The following DIAPH2 variants were observed in gnomAD, a reference collection of about 807,000 sequenced individuals.
DIAPH2 encodes diaphanous related formin 2.
Under a neutral mutation model 92.7 loss-of-function variants are expected in DIAPH2, and 35 were observed. The observed-to-expected ratio is 0.38, with a 90% confidence interval of 0.29 to 0.50. DIAPH2 has a LOEUF of 0.50. Ranked by LOEUF, DIAPH2 falls within the 20% of genes least tolerant of loss-of-function variation. The probability of loss-of-function intolerance (pLI) is 0.94; values close to 1 mark genes in which losing one functional copy is unlikely to be tolerated. For synonymous variants in DIAPH2, 301 were observed against 280.4 expected, an observed-to-expected ratio of 1.07 and a Z score of -0.73; for missense variants, 701 against 819.5, an observed-to-expected ratio of 0.86 and a Z score of 1.77.
At chrX:96,755,731 G>C (rs918106416) in intron 3 of DIAPH2, among the ~76,000 whole-genome samples, 1 of 109,028 alleles carries the variant, frequency 9.2e-6, no homozygotes, top group Non-Finnish European at 1.9e-5. Flanking sequence ...AAAAAAAATA[G>C]AATGCTCAGA....
intron 5 of DIAPH2, among the ~76,000 whole-genome samples, chrX:96,901,532 GTTTTTT>G (rs369526046): frequency 6.0e-5 from 2 of 33,083 alleles, no homozygotes; most frequent in Non-Finnish European, 1.2e-4. Context: ...TTTTCTTTCT[GTTTTTT>G]TTTTTTTTTT....
Position 96,899,939 on chromosome X carries a change from T to C in DIAPH2, c.588-12389T>C, listed in dbSNP as rs866140496. On this transcript the variant is annotated intron_variant, in intron 5 of 26. Transcript: ENST00000324765. The stretch of plus-strand genomic sequence containing the variant: ...TTTATTGAGAGTTTTTAGCATGAAG[T>C]GTTGTTGAATTTTGTCAAAGGCCTT... Among the ~76,000 whole-genome samples, 7 of 109,177 alleles carry C rather than the reference T, an allele frequency of 6.4e-5. No individual in the cohort carries two copies. The Admixed American group carries it at 6.9e-4, about 11-fold the overall frequency. The allele number at this position is 109,177 out of a possible 115,157, so 94.8% of individuals were successfully genotyped here. A position where few individuals can be genotyped will look rare whatever the true frequency, so the allele number is the denominator to read the frequency against.
At chrX:97,470,752 T>C (rs963887676) in intron 26 of DIAPH2, among the ~76,000 whole-genome samples, 2 of 109,227 alleles carry the variant, frequency 1.8e-5, no homozygotes, top group East Asian at 2.9e-4. Flanking sequence ...CTCCAAAGCA[T>C]GTGAAATATT....
chrX:96,879,274 G>A (rs1164989339), intron 4 of DIAPH2, among the ~76,000 whole-genome samples: 1 of 111,776 alleles, frequency 8.9e-6, no homozygotes, highest in Non-Finnish European at 1.9e-5. Context: ...ATGGGAGCCA[G>A]CAATGGAGAG....
intron 1 of DIAPH2, among the ~76,000 whole-genome samples, chrX:96,693,563 ATGGGT>A (rs1050419057): frequency 8.9e-5 from 10 of 112,181 alleles, no homozygotes; most frequent in African/African-American, 3.2e-4. Flanking sequence ...GTCGGTATGT[ATGGGT>A]GGGCCCTGAC....
At chrX:97,047,278 A>G (rs1248716402) in intron 17 of DIAPH2, among the ~76,000 whole-genome samples, 1 of 110,823 alleles carries the variant, frequency 9.0e-6, no homozygotes, top group East Asian at 2.8e-4. Context: ...CACTTCATGC[A>G]TTGTTAGAGA....
intron 17 of DIAPH2, among the ~76,000 whole-genome samples, chrX:97,026,571 C>T (rs1286272608): frequency 9.0e-6 from 1 of 111,629 alleles, no homozygotes; most frequent in Admixed American, 9.5e-5. Flanking sequence ...GAGGAATTTT[C>T]GTATTTCTGG....
intron 4 of DIAPH2, among the ~76,000 whole-genome samples, chrX:96,828,568 G>A (rs144841565): frequency 8.9e-6 from 1 of 112,080 alleles, no homozygotes; most frequent in East Asian, 2.8e-4. Context: ...ATGTCCTATG[G>A]TAGAAAAATT....
chrX:97,416,805 A>G (rs770146579), intron 25 of DIAPH2, among the ~76,000 whole-genome samples: 2 of 112,174 alleles, frequency 1.8e-5, no homozygotes, highest in African/African-American at 3.2e-5. Flanking sequence ...TGCAAGCCAT[A>G]TAACATGTTT....
chrX:97,454,277 T>C (rs770853488), intron 26 of DIAPH2, among the ~76,000 whole-genome samples: 1 of 111,841 alleles, frequency 8.9e-6, no homozygotes, highest in Admixed American at 9.5e-5. Flanking sequence ...TAAGACGTGA[T>C]AGTTAATATC....
rs149290408 is a variant in DIAPH2 at position 97,077,659 on chromosome X, G to A, written c.2247+2398G>A. On this transcript the variant is annotated intron_variant, in intron 19 of 26. Transcript: ENST00000324765. ...ACAACTGATAGAATTTAGTTAGTTG[G>A]CAGGATAATTGTCTTACTTAAAAAA... Among the ~76,000 whole-genome samples the A allele has an allele frequency of 1.0e-2, 1,116 of 111,717 alleles. 3 individuals carry two copies. The highest frequency in any genetic ancestry group is 0.015 in the Non-Finnish European group (817 of 53,046).
intron 4 of DIAPH2, among the ~76,000 whole-genome samples, chrX:96,864,434 T>C (rs1204461140): frequency 9.0e-6 from 1 of 111,719 alleles, no homozygotes; most frequent in African/African-American, 3.2e-5. Flanking sequence ...GTAGTTTCTT[T>C]AACAGAATAT....
intron 26 of DIAPH2, among the ~76,000 whole-genome samples, chrX:97,485,113 T>C (rs188929275): frequency 6.3e-4 from 70 of 111,401 alleles, no homozygotes; most frequent in African/African-American, 2.3e-3. Context: ...GAGGGAAAAA[T>C]GTCTGGGATG....
chrX:96,769,935 C>T (rs1017123072), intron 4 of DIAPH2, among the ~76,000 whole-genome samples: 2 of 112,054 alleles, frequency 1.8e-5, no homozygotes, highest in African/African-American at 3.2e-5. Context: ...CCGTGGCTCA[C>T]GCTTGTAACC....
chrX:97,405,522 T>G (rs2069800681), intron 25 of DIAPH2, among the ~76,000 whole-genome samples: 1 of 112,151 alleles, frequency 8.9e-6, no homozygotes, highest in Non-Finnish European at 1.9e-5. Flanking sequence ...TCATGGGGGT[T>G]GGATTTGTGT....
rs371230108 is a variant in DIAPH2, at chrX:96,962,505, A to G, written c.1936-2588A>G. Among the ~76,000 whole-genome samples the G allele has an allele frequency of 1.4e-3, 115 of 81,563 alleles. 6 individuals are homozygous for G. The highest frequency in any genetic ancestry group is 2.0e-3 in the Non-Finnish European group (87 of 42,816). 70.8% of individuals were successfully genotyped at this position (81,563 alleles called of 115,157 possible). On this transcript the variant is annotated intron_variant, in intron 16 of 26. Transcript: ENST00000324765. Reference sequence around the variant, plus strand: ...CACACACACACACACACATATATATATATATATATATATATATACCTACTT... The same window carrying G: ...CACACACACACACACACATATATATGTATATATATATATATATACCTACTT...
chrX:96,773,570 C>T (rs921704003), intron 4 of DIAPH2, among the ~76,000 whole-genome samples: 2 of 111,530 alleles, frequency 1.8e-5, no homozygotes, highest in Non-Finnish European at 3.8e-5. Context: ...GGAGAGGGGC[C>T]GGGTGATGTG....
intron 26 of DIAPH2, among the ~76,000 whole-genome samples, chrX:97,476,822 T>C (rs2070607790): frequency 9.6e-6 from 1 of 103,669 alleles, no homozygotes; most frequent in Non-Finnish European, 2.0e-5. Context: ...CACATGCCTG[T>C]AATCCCAGCT....
intron 24 of DIAPH2, among the ~76,000 whole-genome samples, chrX:97,358,620 G>C (rs1358875631): frequency 9.0e-6 from 1 of 111,121 alleles, no homozygotes. Context: ...AATTTCAAAT[G>C]TTAATTTGAT....
Sources: gnomAD v4.1 joint callset for allele counts (sites outside exome capture counted in the v4.1 genomes callset) on GRCh38, gnomAD v4.1.1 for gene constraint, MANE v1.5 for transcripts, NCBI Gene and HGNC (gene_info 2026-07-23, HGNC 2026-07-21) for gene names.